Variants in SGIP1 observed in about 807,000 individuals in gnomAD.
The protein encoded by SGIP1 is SH3GL interacting endocytic adaptor 1.
A neutral mutation model predicts 107.5 loss-of-function variants in SGIP1; 38 were observed. That is an observed-to-expected ratio of 0.35 (90% confidence interval 0.27 to 0.46). SGIP1 has a LOEUF of 0.46. Among genes scored for constraint, SGIP1 ranks in the 20% least tolerant of loss-of-function variants. The pLI is 1.00. For synonymous variants in SGIP1, 365 were observed against 366.1 expected (o/e 1.00, Z 0.03); for missense variants, 929 against 1,019.5 (o/e 0.91, Z 1.21).
chr1:66,583,595 A>C (rs964541295), intron 1 of SGIP1, among the ~76,000 whole-genome samples: 1 of 152,140 alleles, frequency 6.6e-6, no homozygotes, highest in Non-Finnish European at 1.5e-5. Context: ...TTCATTAGGT[A>C]AACTTAAGAG....
At chr1:66,649,959 C>T (rs751451539) in intron 7 of SGIP1, among the ~76,000 whole-genome samples, 1 of 152,054 alleles carries the variant, frequency 6.6e-6, no homozygotes, top group African/African-American at 2.4e-5. Context: ...GGGGTGACTC[C>T]CATACCTACT....
intron 18 of SGIP1, among the ~76,000 whole-genome samples, chr1:66,712,377 C>A (rs1001726854): frequency 2.0e-5 from 3 of 152,092 alleles, no homozygotes; most frequent in African/African-American, 7.2e-5. Flanking sequence ...AGAGATTATA[C>A]GGAAAATGGA....
chr1:66,550,795 G>A (rs1043592147), intron 1 of SGIP1, among the ~76,000 whole-genome samples: 1 of 151,642 alleles, frequency 6.6e-6, no homozygotes, highest in Admixed American at 6.6e-5. Flanking sequence ...TTTATGACTG[G>A]CTCAAATATT....
chr1:66,553,674 CAAAAA>C (rs112976290), intron 1 of SGIP1, among the ~76,000 whole-genome samples: 1 of 95,092 alleles, frequency 1.1e-5, no homozygotes. Context: ...AGACTCCAGT[CAAAAA>C]AAAAAAAAAA....
chr1:66,644,452 C>A (rs1282333994), intron 7 of SGIP1, among the ~76,000 whole-genome samples: 5 of 152,056 alleles, frequency 3.3e-5, no homozygotes, highest in Non-Finnish European at 5.9e-5. Flanking sequence ...CATGTACAGC[C>A]TTTTCTCTGT....
chr1:66,675,541 C>CTTTTTTTTTTTTT (rs71242802), intron 12 of SGIP1, among the ~76,000 whole-genome samples: 44 of 112,366 alleles, frequency 3.9e-4, no homozygotes, highest in South Asian at 8.6e-4. Context: ...CTTTTTCTTT[C>CTTTTTTTTTTTTT]TTTTTTTTTT....
rs780466851 is a variant in SGIP1, at chr1:66,636,025, C to T, written c.171+10C>T. The T allele has an allele frequency of 8.1e-6, 13 of 1,612,064 alleles. No individual in the cohort carries two copies. Among genetic ancestry groups the T allele is most frequent in the Non-Finnish European group, 1.1e-5 (13 of 1,178,918 alleles). On this transcript the variant is annotated intron_variant, in intron 4 of 24. Transcript: ENST00000371037. ...AGGAAAAAAAGTTTCGGTAAGGAAACAGATTTTAGTTTAAAATTTCCAAAG... is the reference window on the plus strand; with the variant it reads ...AGGAAAAAAAGTTTCGGTAAGGAAATAGATTTTAGTTTAAAATTTCCAAAG...
At chr1:66,675,840 G>T (rs889131687) in intron 12 of SGIP1, among the ~76,000 whole-genome samples, 1 of 151,902 alleles carries the variant, frequency 6.6e-6, no homozygotes, top group Admixed American at 6.6e-5. Flanking sequence ...GGCCTAGAAA[G>T]ATCTTTCTAT....
chr1:66,685,897 T>G (rs527803464), intron 15 of SGIP1, among the ~76,000 whole-genome samples: 1 of 152,306 alleles, frequency 6.6e-6, no homozygotes, highest in South Asian at 2.1e-4. Context: ...TTTTAATGTG[T>G]TAGTCATCAA....
In SGIP1 at chr1:66,702,898, G is replaced by A. The variant is rs537265927; in HGVS notation, c.1630+7405G>A. 4.3e-4 allele frequency among the ~76,000 whole-genome samples: 66 copies of A among 152,242 alleles called. 2 individuals carry two copies. Among genetic ancestry groups the A allele is most frequent in the African/African-American group, 1.6e-3 (66 of 41,542 alleles). On this transcript the variant is annotated intron_variant, in intron 18 of 24. Coordinates refer to ENST00000371037, the MANE Select transcript of SGIP1 (RefSeq NM_032291.4). Reference sequence around the variant, plus strand: ...CCCTGAGTGTCAGCTGCACTTCCCTGGGTGCAAAAGTAGATTCTAGAACAG... The same window carrying A: ...CCCTGAGTGTCAGCTGCACTTCCCTAGGTGCAAAAGTAGATTCTAGAACAG...
intron 1 of SGIP1, among the ~76,000 whole-genome samples, chr1:66,560,250 A>G (rs1186580185): frequency 1.3e-5 from 2 of 152,194 alleles, no homozygotes; most frequent in African/African-American, 2.4e-5. Context: ...ATTGATGCAT[A>G]ATTACAATGT....
chr1:66,625,734 G>T, intron 1 of SGIP1, 113 bp from the exon 2 acceptor site: 1 of 880,646 alleles, frequency 1.1e-6, no homozygotes, highest in East Asian at 2.6e-5. Context: ...TACAACTTCA[G>T]AAACTTCATT....
At chr1:66,534,876 G>C (rs1162575151) in intron 1 of SGIP1, among the ~76,000 whole-genome samples, 1 of 152,258 alleles carries the variant, frequency 6.6e-6, no homozygotes, top group South Asian at 2.1e-4. Flanking sequence ...TATTGGGATG[G>C]GGAGGGCAGC....
At chr1:66,542,843 C>G (rs1030298532) in intron 1 of SGIP1, among the ~76,000 whole-genome samples, 1 of 152,124 alleles carries the variant, frequency 6.6e-6, no homozygotes, top group African/African-American at 2.4e-5. Context: ...CTCAAGGTGA[C>G]CTCCTTACTA....
chr1:66,571,591 C>G (rs2060388680), intron 1 of SGIP1, among the ~76,000 whole-genome samples: 1 of 151,780 alleles, frequency 6.6e-6, no homozygotes, highest in Non-Finnish European at 1.5e-5. Context: ...TTATATTACT[C>G]TCCTTCATGT....
intron 1 of SGIP1, among the ~76,000 whole-genome samples, chr1:66,593,179 T>C (rs534214752): frequency 6.6e-6 from 1 of 152,276 alleles, no homozygotes; most frequent in Admixed American, 6.5e-5. Context: ...CGATGGCTTA[T>C]TCATTTATTC....
chr1:66,743,353 G>A lies in SGIP1; in HGVS notation c.*258G>A. 1 of 329,480 alleles carries A rather than the reference G, an allele frequency of 3.0e-6. No individual in the cohort carries two copies. The highest frequency in any genetic ancestry group is 4.4e-5 in the South Asian group (1 of 22,752). The allele number at this position is 329,480 out of a possible 1,614,324, so 20.4% of individuals were successfully genotyped here. On this transcript the variant is annotated 3_prime_UTR_variant, in exon 25 of 25. Coordinates refer to ENST00000371037, the MANE Select transcript of SGIP1 (RefSeq NM_032291.4). ...ATTTGTAAATTGTACTCTCATTCCA[G>A]TAAGGCAGTTAGACACTTGAGTTTT...
chr1:66,554,685 T>G (rs2057924732), intron 1 of SGIP1, among the ~76,000 whole-genome samples: 2 of 152,136 alleles, frequency 1.3e-5, no homozygotes, highest in Non-Finnish European at 2.9e-5. Flanking sequence ...TGTTTAGACT[T>G]GGGTCTCATC....
chr1:66,535,565 T>A (rs531476924), intron 1 of SGIP1, among the ~76,000 whole-genome samples: 1 of 152,334 alleles, frequency 6.6e-6, no homozygotes, highest in Admixed American at 6.5e-5. Flanking sequence ...ACATTGTTAA[T>A]GTGATTTGGG....
Sources: allele counts gnomAD v4.1 joint callset (sites outside exome capture counted in the v4.1 genomes callset), GRCh38; gene constraint gnomAD v4.1.1; transcripts MANE v1.5; gene names NCBI Gene and HGNC (gene_info 2026-07-23, HGNC 2026-07-21).